The following PCDHGB5 variants were observed in gnomAD, a reference collection of about 807,000 sequenced individuals.
The protein encoded by PCDHGB5 is protocadherin gamma-B5.
Under a neutral mutation model 62.9 loss-of-function variants are expected in PCDHGB5, and 48 were observed. That is an observed-to-expected ratio of 0.76 (90% CI 0.61 to 0.97). PCDHGB5 has a LOEUF of 0.97. Ranked by LOEUF, PCDHGB5 falls within the 50% of genes least tolerant of loss-of-function variation. The pLI, the probability that PCDHGB5 is intolerant of heterozygous loss-of-function variation, is 0.00. For missense variants in PCDHGB5, 1,118 were observed against 1,198.6 expected, an observed-to-expected ratio of 0.93 and a Z score of 0.99; for synonymous variants, 474 against 511.2, an observed-to-expected ratio of 0.93 and a Z score of 0.98.
chr5:141,418,712 G>A (rs1431536945), intron 1 of PCDHGB5: 1 of 1,613,976 alleles, frequency 6.2e-7, no homozygotes, highest in African/African-American at 1.3e-5. Context: ...CTTTGGTGTG[G>A]CTGACAAAGC....
chr5:141,452,929 G>A (rs2154564099), intron 1 of PCDHGB5, among the ~76,000 whole-genome samples: 1 of 152,310 alleles, frequency 6.6e-6, no homozygotes, highest in Admixed American at 6.5e-5. Flanking sequence ...AAGAGCTGCT[G>A]AAGATTTGCT....
At chr5:141,422,500 G>A (rs762511271) in intron 1 of PCDHGB5, 1 of 1,614,008 alleles carries the variant, frequency 6.2e-7, no homozygotes, top group Non-Finnish European at 8.5e-7. Flanking sequence ...AACGTTGACA[G>A]CCACAGACCA....
At position 141,422,880 on chromosome 5, in the gene PCDHGB5, G is replaced by C. The variant is rs970045921; in HGVS notation, c.2397+22356G>C. The C allele has an allele frequency of 7.4e-6, 12 of 1,614,140 alleles. No individual in the cohort carries two copies. In the Admixed American group the frequency reaches 2.0e-4, roughly 27 times the overall value. ...TCAGCAGCAACGTGTCGCTGAGCCT[G>C]TTCGTGCTGGACCAGAACGACAATG... On this transcript the variant is annotated intron_variant, in intron 1 of 3. Coordinates refer to ENST00000617380, the MANE Select transcript of PCDHGB5 (RefSeq NM_018925.3).
At position 141,487,276 on chromosome 5, in the gene PCDHGB5, C is replaced by G; in HGVS notation, c.2398-7531C>G. On this transcript the variant is annotated intron_variant, in intron 1 of 3. Coordinates refer to ENST00000617380, the MANE Select transcript of PCDHGB5 (RefSeq NM_018925.3). The surrounding 1 kb of genome is among the most constrained non-coding windows in gnomAD (Gnocchi z 5.0). ...TGGCTGTGTCCCTAGTGGCAATTTG[C>G]TTTGTCTCCTTTGGCTCATTCGTGG... 1 of 1,614,158 alleles carries G rather than the reference C, an allele frequency of 6.2e-7. No homozygotes were observed. The highest frequency in any genetic ancestry group is 1.1e-5 in the South Asian group (1 of 91,082).
rs563876979 is a variant in PCDHGB5, at chr5:141,417,900, G to A, written c.2397+17376G>A. 5 of 1,583,452 alleles carry A rather than the reference G, an allele frequency of 3.2e-6. No individual in the cohort carries two copies. Among genetic ancestry groups the A allele is most frequent in the South Asian group, 2.3e-5 (2 of 88,062 alleles). On this transcript the variant is annotated intron_variant, in intron 1 of 3. Coordinates refer to ENST00000617380, the MANE Select transcript of PCDHGB5 (RefSeq NM_018925.3). ...GCGCAGAGGCGCCGGGCCGGCCCGC[G>A]GCAGGTACTATTTCCTTTGCTGCTG...
At chr5:141,405,394 C>A (rs761584699) in intron 1 of PCDHGB5, 7 of 1,593,014 alleles carry the variant, frequency 4.4e-6, no homozygotes, top group Non-Finnish European at 6.0e-6. Context: ...CATTTTTTTT[C>A]TTTCTTTCTT....
chr5:141,476,029 A>G lies in PCDHGB5; in HGVS notation c.2398-18778A>G, dbSNP rs975943706. The G allele has an allele frequency of 2.3e-5, 34 of 1,455,312 alleles. No homozygotes were observed. The highest frequency in any genetic ancestry group is 1.1e-4 in the African/African-American group (8 of 70,728). 90.1% of individuals were successfully genotyped at this position (1,455,312 alleles called of 1,614,324 possible). A position where few individuals can be genotyped will look rare whatever the true frequency, so the allele number is the denominator to read the frequency against. On this transcript the variant is annotated intron_variant, in intron 1 of 3. Transcript: ENST00000617380. The surrounding 1 kb of genome is among the most constrained non-coding windows in gnomAD (Gnocchi z 7.6). The stretch of plus-strand genomic sequence containing the variant: ...GAAAGCCATGTCGGACTCGGCGCCC[A>G]GCGCCCAAGCGCTAACCCGCTGAAA...
chr5:141,471,427 AGT>A (rs1475862025), intron 1 of PCDHGB5: 1 of 152,188 alleles, frequency 6.6e-6, no homozygotes, highest in Non-Finnish European at 1.5e-5. Flanking sequence ...TAGCAAGGAA[AGT>A]GTATAATCTC....
intron 1 of PCDHGB5, chr5:141,478,712 G>A (rs1160573848): frequency 3.2e-6 from 5 of 1,547,048 alleles, no homozygotes; most frequent in Non-Finnish European, 4.4e-6. Flanking sequence ...TTTGTGAGAT[G>A]GTGGCCTGCC....
chr5:141,457,264 C>T (rs2098915249), intron 1 of PCDHGB5, among the ~76,000 whole-genome samples: 1 of 152,142 alleles, frequency 6.6e-6, no homozygotes, highest in South Asian at 2.1e-4. Flanking sequence ...ATAGAATTCC[C>T]CTCTGTGGGC....
At chr5:141,445,207 AAAGT>A (rs1322618652) in intron 1 of PCDHGB5, among the ~76,000 whole-genome samples, 1 of 152,196 alleles carries the variant, frequency 6.6e-6, no homozygotes, top group Non-Finnish European at 1.5e-5. Flanking sequence ...ATGCTTTTGA[AAAGT>A]AAGAGGTGCA....
intron 1 of PCDHGB5, chr5:141,410,087 G>C (rs1427716409): frequency 6.2e-7 from 1 of 1,612,364 alleles, no homozygotes; most frequent in Admixed American, 1.7e-5. Context: ...GGTGCGCACG[G>C]CTCGAGCCTT....
Position 141,489,267 on chromosome 5 carries a change from C to G in PCDHGB5, c.2398-5540C>G. 6.4e-7 allele frequency: 1 copy of G among 1,553,302 alleles called. No homozygotes were observed. Among genetic ancestry groups the G allele is most frequent in the Non-Finnish European group, 8.7e-7 (1 of 1,149,864 alleles). The stretch of plus-strand genomic sequence containing the variant: ...TGGGGCCCAAGACACTCCCACAGCT[C>G]GCTGGGAAATGGCAAGTGCTGTGCA... On this transcript the variant is annotated intron_variant, in intron 1 of 3. Coordinates refer to ENST00000617380, the MANE Select transcript of PCDHGB5 (RefSeq NM_018925.3). The surrounding 1 kb of genome is among the most constrained non-coding windows in gnomAD (Gnocchi z 4.5).
chr5:141,476,554 G>A lies in PCDHGB5; in HGVS notation c.2398-18253G>A. On this transcript the variant is annotated intron_variant, in intron 1 of 3. Transcript: ENST00000617380. This position sits in a 1 kb window ranked among gnomAD's most constrained non-coding sequence, Gnocchi z 7.6. The stretch of plus-strand genomic sequence containing the variant: ...AGGAAATGAAATTGGAGATTAGCGA[G>A]GCCGTGGCTCCGGGGACGCGCTTTC... 1 of 1,614,232 alleles carries A rather than the reference G, an allele frequency of 6.2e-7. No individual in the cohort carries two copies. Among genetic ancestry groups the A allele is most frequent in the Non-Finnish European group, 8.5e-7 (1 of 1,180,036 alleles).
At position 141,432,412 on chromosome 5, in the gene PCDHGB5, C is replaced by G. The variant is rs773688197; in HGVS notation, c.2397+31888C>G. 1.9e-6 allele frequency: 3 copies of G among 1,614,246 alleles called. No individual in the cohort carries two copies. The highest frequency in any genetic ancestry group is 2.2e-5 in the East Asian group (1 of 44,882). ...GCAGCAACGTGTCGTTGAGCCTGTT[C>G]GTGCTGGACCAGAACGACAATGCGC... On this transcript the variant is annotated intron_variant, in intron 1 of 3. Transcript: ENST00000617380. This position sits in a 1 kb window ranked among gnomAD's most constrained non-coding sequence, Gnocchi z 6.0.
At chr5:141,423,228 C>G (rs1321708353) in intron 1 of PCDHGB5, 5 of 1,613,866 alleles carry the variant, frequency 3.1e-6, no homozygotes, top group Non-Finnish European at 2.5e-6. Context: ...CTGTGGCCGA[C>G]AGCATCCCCG....
At chr5:141,410,260 T>C in intron 1 of PCDHGB5, 1 of 1,614,054 alleles carries the variant, frequency 6.2e-7, no homozygotes, top group Non-Finnish European at 8.5e-7. Context: ...ACCCCCAGGC[T>C]GAACTGCAGT....
chr5:141,428,073 G>A (rs2097106496), intron 1 of PCDHGB5: 1 of 1,609,082 alleles, frequency 6.2e-7, no homozygotes, highest in Admixed American at 1.7e-5. Flanking sequence ...CGCAGATTCG[G>A]GACACAACGC....
In PCDHGB5 at chr5:141,485,629, C is replaced by G. The variant is rs1028146827; in HGVS notation, c.2398-9178C>G. The G allele has an allele frequency of 1.2e-6, 2 of 1,611,902 alleles. No individual in the cohort carries two copies. The highest frequency in any genetic ancestry group is 3.3e-5 in the Admixed American group (2 of 59,922). On this transcript the variant is annotated intron_variant, in intron 1 of 3. Coordinates refer to ENST00000617380, the MANE Select transcript of PCDHGB5 (RefSeq NM_018925.3). This position sits in a 1 kb window ranked among gnomAD's most constrained non-coding sequence, Gnocchi z 5.7. ...AGGCAGCTCCTCCAGGACAGCGTTTCCCGTTGGAAAAGGCTCAGGATGCAG... is the reference window on the plus strand; with the variant it reads ...AGGCAGCTCCTCCAGGACAGCGTTTGCCGTTGGAAAAGGCTCAGGATGCAG...
Sources: allele counts gnomAD v4.1 joint callset (sites outside exome capture counted in the v4.1 genomes callset), GRCh38; gene constraint gnomAD v4.1.1; non-coding constraint Gnocchi (gnomAD v3.1); transcripts MANE v1.5; gene names NCBI Gene and HGNC (gene_info 2026-07-23, HGNC 2026-07-21).